The following GSPT1 variants were observed in gnomAD, a reference collection of about 807,000 sequenced individuals.
GSPT1 encodes G1 to S phase transition 1.
GSPT1 carries 20 observed loss-of-function variants against 72.5 expected under a neutral mutation model. The observed-to-expected ratio is 0.28, with a 90% CI of 0.19 to 0.40. GSPT1 has a LOEUF of 0.40. Ranked by LOEUF, GSPT1 falls within the 10% of genes least tolerant of loss-of-function variation. The pLI is 1.00. For synonymous variants in GSPT1, 334 were observed against 293.5 expected, an observed-to-expected ratio of 1.14 and a Z score of -1.41; for missense variants, 580 against 811.9, an observed-to-expected ratio of 0.71 and a Z score of 3.47.
chr16:11,910,749 T>C (rs1222853523), intron 1 of GSPT1, among the ~76,000 whole-genome samples: 2 of 152,170 alleles, frequency 1.3e-5, no homozygotes, highest in Non-Finnish European at 2.9e-5. Flanking sequence ...GCTGTGCAAC[T>C]TCAGAAAAGG....
At chr16:11,912,076 G>GC (rs1555506174) in intron 1 of GSPT1, among the ~76,000 whole-genome samples, 1 of 142,092 alleles carries the variant, frequency 7.0e-6, no homozygotes, top group African/African-American at 2.6e-5. Flanking sequence ...GCCAGGCGCG[G>GC]TCACACCTGT....
chr16:11,904,759 C>T (rs1431130990), intron 1 of GSPT1, among the ~76,000 whole-genome samples: 4 of 152,036 alleles, frequency 2.6e-5, no homozygotes, highest in African/African-American at 4.8e-5. Context: ...TTTCATAAAT[C>T]AGCAATTTAA....
intron 1 of GSPT1, among the ~76,000 whole-genome samples, chr16:11,912,066 G>A (rs1198055003): frequency 7.4e-5 from 7 of 95,132 alleles, no homozygotes; most frequent in African/African-American, 3.0e-4. Context: ...AAAAAAAAAG[G>A]CCAGGCGCGG....
chr16:11,904,484 G>C (rs2054463469), intron 1 of GSPT1, among the ~76,000 whole-genome samples: 1 of 152,174 alleles, frequency 6.6e-6, no homozygotes, highest in African/African-American at 2.4e-5. Flanking sequence ...TTACAAGCGT[G>C]AGCCACTGCG....
In GSPT1 at chr16:11,869,004, T is replaced by C. The variant is rs1161911209; in HGVS notation, c.*4115A>G. The stretch of plus-strand genomic sequence containing the variant: ...CTAGCATTATTGTTTCAAGGAAGCA[T>C]AGGATTAGAGGTATGTGAGAAGTGT... On this transcript the variant is annotated 3_prime_UTR_variant, in exon 15 of 15. Transcript: ENST00000434724. 2 of 152,132 alleles carry C rather than the reference T, an allele frequency of 1.3e-5. No individual in the cohort carries two copies. The allele number at this position is 152,132 out of a possible 1,614,324, so 9.4% of individuals were successfully genotyped here.
chr16:11,905,108 T>C (rs2054472613), intron 1 of GSPT1, among the ~76,000 whole-genome samples: 1 of 152,180 alleles, frequency 6.6e-6, no homozygotes, highest in South Asian at 2.1e-4. Context: ...AGTGAAACTG[T>C]AGTTTTGTTA....
Position 11,877,530 on chromosome 16 carries a change from G to A in GSPT1, c.1479C>T (p.Thr493=), listed in dbSNP as rs191855187. 496 of 1,610,304 alleles carry A rather than the reference G, an allele frequency of 3.1e-4. 3 individuals are homozygous for A. The African/African-American group carries it at 5.8e-3, about 19-fold the overall frequency. The change falls in exon 12 of 15, where the codon ACC becomes ACT. Residue 493 remains threonine, a synonymous_variant. Transcript: ENST00000434724. This position sits in a 1 kb window ranked among gnomAD's most constrained non-coding sequence, Gnocchi z 4.0. ...GILSDDVETD[T]VAPGENLKIR... The stretch of plus-strand genomic sequence containing the variant: ...TTTTGAGGTTTTCACCTGGGGCTAC[G>A]GTATCAGTCTCTACATCATCGGAAA...
intron 7 of GSPT1, 118 bp from the exon 8 acceptor site, chr16:11,887,049 A>G (rs892194314): frequency 9.5e-6 from 7 of 738,592 alleles, no homozygotes; most frequent in African/African-American, 3.7e-5. Context: ...GCAAGAAAAT[A>G]GAAGCAAACG....
At chr16:11,898,400 T>C (rs4781161) in intron 1 of GSPT1, among the ~76,000 whole-genome samples, 13,552 of 151,580 alleles carry the variant, frequency 0.089, 1,177 homozygotes, top group African/African-American at 0.19. Flanking sequence ...CTTCCCGTGA[T>C]TCTCTCTAGG....
At chr16:11,908,754 C>T (rs1465551380) in intron 1 of GSPT1, 6 of 32,768 alleles carry the variant, frequency 1.8e-4, no homozygotes, top group African/African-American at 1.4e-3. Flanking sequence ...AGCGAGACTC[C>T]GTCTCAAAAA....
chr16:11,876,305 G>A, intron 12 of GSPT1, 130 bp from the exon 13 acceptor site: 1 of 686,854 alleles, frequency 1.5e-6, no homozygotes, highest in Non-Finnish European at 2.6e-6. Flanking sequence ...AGTGATTTTT[G>A]TGTTAGAGGT....
Position 11,915,450 on chromosome 16 carries a change from G to A in GSPT1, c.271C>T (p.Arg91Trp), listed in dbSNP as rs762038271. 6.5e-6 allele frequency: 10 copies of A among 1,540,996 alleles called. No individual in the cohort carries two copies. Among genetic ancestry groups the A allele is most frequent in the Non-Finnish European group, 8.7e-6 (10 of 1,146,178 alleles). ...HAAEFVPSFL[R>W]GPAAPPPPVG... is the part of the protein sequence containing the mutation. ...GGGGGTGGCGGCGCTGCCGGGCCCC[G>A]CAGGAAGGACGGCACGAACTCGGCG... Residue 91 changes from arginine to tryptophan, a missense_variant, in exon 1 of 15, where the codon CGG becomes TGG. Transcript: ENST00000434724.
At chr16:11,886,738 T>C in intron 8 of GSPT1, 39 bp downstream of exon 8, 1 of 1,592,784 alleles carries the variant, frequency 6.3e-7, no homozygotes, top group East Asian at 2.2e-5. Context: ...AAACCATCCT[T>C]AATCCCACTA....
intron 1 of GSPT1, among the ~76,000 whole-genome samples, chr16:11,899,312 G>A (rs1201336365): frequency 2.0e-5 from 3 of 151,908 alleles, no homozygotes; most frequent in Non-Finnish European, 4.4e-5. Context: ...GATAGGTAAA[G>A]GACAACCAAA....
At chr16:11,888,520 G>C (rs1191478760) in intron 6 of GSPT1, among the ~76,000 whole-genome samples, 1 of 151,358 alleles carries the variant, frequency 6.6e-6, no homozygotes, top group Non-Finnish European at 1.5e-5. Flanking sequence ...CAAGCACTTT[G>C]GGAGGCCAAG....
intron 1 of GSPT1, among the ~76,000 whole-genome samples, chr16:11,901,731 G>A (rs937699749): frequency 1.3e-5 from 2 of 151,570 alleles, no homozygotes; most frequent in African/African-American, 2.4e-5. Flanking sequence ...AGCAGAGGTC[G>A]CAGTGAGCCA....
At chr16:11,889,400 C>G (rs2054226759) in intron 6 of GSPT1, among the ~76,000 whole-genome samples, 1 of 138,960 alleles carries the variant, frequency 7.2e-6, no homozygotes, top group Admixed American at 7.6e-5. Context: ...TGCAGTGGCA[C>G]CATCTCGGCT....
intron 14 of GSPT1, 137 bp from the exon 15 acceptor site, chr16:11,873,308 A>C: frequency 1.8e-6 from 1 of 548,846 alleles, no homozygotes; most frequent in South Asian, 2.6e-5. Flanking sequence ...TGCCAAACCC[A>C]TGATACTTCT....
In GSPT1 at chr16:11,872,393, A is replaced by T. The variant is rs181894786; in HGVS notation, c.*726T>A. 4.5e-4 allele frequency: 67 copies of T among 148,954 alleles called. No homozygotes were observed. The highest frequency in any genetic ancestry group is 1.5e-3 in the African/African-American group (61 of 41,024). 9.2% of individuals were successfully genotyped at this position (148,954 alleles called of 1,614,324 possible). On this transcript the variant is annotated 3_prime_UTR_variant, in exon 15 of 15. Transcript: ENST00000434724. ...CAATATAAATTGGCAAAAAAAAAAA[A>T]AATAAATAAATAACTAAAAGACCTA...
Sources: allele counts gnomAD v4.1 joint callset (sites outside exome capture counted in the v4.1 genomes callset), GRCh38; gene constraint gnomAD v4.1.1; non-coding constraint Gnocchi (gnomAD v3.1); transcripts MANE v1.5; gene names NCBI Gene and HGNC (gene_info 2026-07-23, HGNC 2026-07-21).